The following SGCZ variants were observed in gnomAD, a reference collection of about 807,000 sequenced individuals.
SGCZ encodes the protein zeta-sarcoglycan.
A neutral mutation model predicts 41.3 loss-of-function variants in SGCZ; 40 were observed. The ratio of observed to expected loss-of-function variants is 0.97; its 90% CI spans 0.75 to 1.26. SGCZ has a LOEUF of 1.26. SGCZ is among the 50% of genes most tolerant of loss of function. The probability of loss-of-function intolerance (pLI) is 0.00; values close to 1 mark genes in which losing one functional copy is unlikely to be tolerated. For synonymous variants in SGCZ, 206 were observed against 137.5 expected, an observed-to-expected ratio of 1.50 and a Z score of -3.49; for missense variants, 552 against 369.8, an observed-to-expected ratio of 1.49 and a Z score of -4.04.
In SGCZ at chr8:14,825,318, G is replaced by C. The variant is rs189810789; in HGVS notation, c.40-270392C>G. On this transcript the variant is annotated intron_variant, in intron 1 of 7. Coordinates refer to ENST00000382080, the MANE Select transcript of SGCZ (RefSeq NM_139167.4). ...TCGTCACTTATCTCTCACTATTCTT[G>C]TTTTCACACTCTAGAACCTAATAGA... Among the ~76,000 whole-genome samples the C allele has an allele frequency of 6.6e-5, 10 of 152,126 alleles. No individual in the cohort carries two copies. The East Asian group carries it at 1.9e-3, about 29-fold the overall frequency.
At chr8:14,304,043 C>T (rs1801275575) in intron 3 of SGCZ, among the ~76,000 whole-genome samples, 1 of 152,056 alleles carries the variant, frequency 6.6e-6, no homozygotes. Flanking sequence ...TGAGCCACTG[C>T]ACCCGGCCAG....
At chr8:14,389,064 T>G (rs1168335994) in intron 2 of SGCZ, among the ~76,000 whole-genome samples, 1 of 152,012 alleles carries the variant, frequency 6.6e-6, no homozygotes, top group African/African-American at 2.4e-5. Flanking sequence ...CCAATTTTAA[T>G]TTTTAGATAT....
chr8:14,873,342 A>T (rs1585337664), intron 1 of SGCZ, among the ~76,000 whole-genome samples: 1 of 151,876 alleles, frequency 6.6e-6, no homozygotes, highest in Admixed American at 6.6e-5. Flanking sequence ...GTAATATCAT[A>T]TTTTTTTTAT....
chr8:14,681,764 C>G (rs1808452812), intron 1 of SGCZ, among the ~76,000 whole-genome samples: 1 of 152,044 alleles, frequency 6.6e-6, no homozygotes, highest in African/African-American at 2.4e-5. Flanking sequence ...GAATGAATAT[C>G]TTAGAGAGAG....
intron 1 of SGCZ, among the ~76,000 whole-genome samples, chr8:14,560,973 C>T (rs920693611): frequency 1.9e-4 from 29 of 152,074 alleles, no homozygotes; most frequent in African/African-American, 7.0e-4. Flanking sequence ...TATAAATTGT[C>T]TTCATCACAA....
At chr8:14,425,864 A>C (rs13270590) in intron 2 of SGCZ, among the ~76,000 whole-genome samples, 31,221 of 151,990 alleles carry the variant, frequency 0.21, 3,775 homozygotes, top group Non-Finnish European at 0.29. Context: ...AAAACTAAAA[A>C]AGATATTACT....
intron 2 of SGCZ, among the ~76,000 whole-genome samples, chr8:14,371,965 C>G (rs1043689415): frequency 6.6e-6 from 1 of 151,588 alleles, no homozygotes; most frequent in Non-Finnish European, 1.5e-5. Context: ...AACTGGAGAA[C>G]TAGAGAAGAA....
chr8:15,164,571 C>T (rs1233031143), intron 1 of SGCZ, among the ~76,000 whole-genome samples: 1 of 151,942 alleles, frequency 6.6e-6, no homozygotes, highest in Admixed American at 6.6e-5. Flanking sequence ...GAGGTTCTTC[C>T]CCAGGCATTT....
chr8:14,198,703 A>T (rs1457479706), intron 4 of SGCZ, among the ~76,000 whole-genome samples: 2 of 152,198 alleles, frequency 1.3e-5, no homozygotes, highest in Admixed American at 6.5e-5. Context: ...AGGGACCACA[A>T]ACGGAGGGAC....
At chr8:14,745,148 T>C (rs898128319) in intron 1 of SGCZ, among the ~76,000 whole-genome samples, 1 of 152,198 alleles carries the variant, frequency 6.6e-6, no homozygotes, top group African/African-American at 2.4e-5. Flanking sequence ...CCTGCACTTT[T>C]AGCATTTCTC....
At chr8:14,158,713 G>A (rs970678089) in intron 5 of SGCZ, among the ~76,000 whole-genome samples, 2 of 152,162 alleles carry the variant, frequency 1.3e-5, no homozygotes, top group African/African-American at 2.4e-5. Flanking sequence ...GGCCAGCAAG[G>A]AGACAAAGTA....
At chr8:14,929,212 C>A (rs1020038657) in intron 1 of SGCZ, among the ~76,000 whole-genome samples, 1 of 152,028 alleles carries the variant, frequency 6.6e-6, no homozygotes, top group Non-Finnish European at 1.5e-5. Context: ...AGGCTGGTCT[C>A]GAACTCCTGA....
intron 1 of SGCZ, among the ~76,000 whole-genome samples, chr8:14,794,365 G>A (rs552177624): frequency 1.3e-5 from 2 of 152,112 alleles, no homozygotes; most frequent in African/African-American, 2.4e-5. Flanking sequence ...AAAATATACT[G>A]CAGGATTATA....
In SGCZ at chr8:14,605,984, A is replaced by G. The variant is rs542347174; in HGVS notation, c.40-51058T>C. Among the ~76,000 whole-genome samples, 505 of 152,136 alleles carry G rather than the reference A, an allele frequency of 3.3e-3. 3 individuals carry two copies. Among genetic ancestry groups the G allele is most frequent in the African/African-American group, 0.012 (485 of 41,542 alleles). Reference sequence around the variant, plus strand: ...TCTATAAACTCTCTAATAATATGCCAAAAACTGATAATCATTCTGTATACC... The same window carrying G: ...TCTATAAACTCTCTAATAATATGCCGAAAACTGATAATCATTCTGTATACC... On this transcript the variant is annotated intron_variant, in intron 1 of 7. Coordinates refer to ENST00000382080, the MANE Select transcript of SGCZ (RefSeq NM_139167.4).
chr8:14,894,877 C>A (rs1453001863), intron 1 of SGCZ, among the ~76,000 whole-genome samples: 1 of 152,056 alleles, frequency 6.6e-6, no homozygotes, highest in African/African-American at 2.4e-5. Context: ...GAGACACAAA[C>A]AATTCAAATG....
chr8:15,176,870 A>G (rs1049327534), intron 1 of SGCZ, among the ~76,000 whole-genome samples: 13 of 152,166 alleles, frequency 8.5e-5, no homozygotes, highest in South Asian at 2.1e-4. Context: ...GCGTGGTGGC[A>G]GGCGCCTGTA....
At chr8:14,427,688 G>A (rs941357156) in intron 2 of SGCZ, among the ~76,000 whole-genome samples, 2 of 152,066 alleles carry the variant, frequency 1.3e-5, no homozygotes, top group East Asian at 3.9e-4. Flanking sequence ...AAAGCTATCT[G>A]CTTGGCAATC....
intron 2 of SGCZ, among the ~76,000 whole-genome samples, chr8:14,375,133 GA>G (rs1804067682): frequency 6.8e-6 from 1 of 146,232 alleles, no homozygotes; most frequent in Non-Finnish European, 1.5e-5. Context: ...CAGACAGACA[GA>G]CAGACAGACA....
intron 1 of SGCZ, among the ~76,000 whole-genome samples, chr8:14,964,856 G>T (rs1801081263): frequency 6.6e-6 from 1 of 152,112 alleles, no homozygotes; most frequent in Admixed American, 6.6e-5. Flanking sequence ...AGGGAGGTAG[G>T]AAGCTATGCA....
Sources: gnomAD v4.1 joint callset for allele counts (sites outside exome capture counted in the v4.1 genomes callset) on GRCh38, gnomAD v4.1.1 for gene constraint, MANE v1.5 for transcripts, NCBI Gene and HGNC (gene_info 2026-07-23, HGNC 2026-07-21) for gene names.